The following SCAF11 variants were observed in gnomAD, a reference collection of about 807,000 sequenced individuals.
SCAF11 encodes protein SCAF11.
In SCAF11, 47 loss-of-function variants were observed where a neutral mutation model predicts 140.5. The observed-to-expected ratio is 0.33, with a 90% CI of 0.26 to 0.43. The LOEUF (loss-of-function observed/expected upper bound fraction) is 0.43. Ranked by LOEUF, SCAF11 falls within the 20% of genes least tolerant of loss-of-function variation. The pLI, the probability that SCAF11 is intolerant of heterozygous loss-of-function variation, is 1.00. For missense variants in SCAF11, 1,645 were observed against 1,705.1 expected (o/e 0.96, Z 0.62); for synonymous variants, 557 against 579.4 (o/e 0.96, Z 0.55).
chr12:45,920,731 T>C lies in SCAF11; in HGVS notation c.*1317A>G, dbSNP rs1944686306. ...AGAATTTTGCAACATGGCTAATGGC[T>C]ACCACCTGGTCACCAAATTAACACT... On this transcript the variant is annotated 3_prime_UTR_variant, in exon 15 of 15. Transcript: ENST00000369367. The C allele has an allele frequency of 6.6e-6, 1 of 152,614 alleles. No homozygotes were observed. The highest frequency in any genetic ancestry group is 1.5e-5 in the Non-Finnish European group (1 of 68,034). The allele number at this position is 152,614 out of a possible 1,614,324, so 9.5% of individuals were successfully genotyped here.
chr12:45,979,620 A>G (rs1185298659), intron 1 of SCAF11, among the ~76,000 whole-genome samples: 1 of 152,206 alleles, frequency 6.6e-6, no homozygotes, highest in Non-Finnish European at 1.5e-5. Flanking sequence ...AAACCAAGAC[A>G]GAAAAAAGCA....
intron 3 of SCAF11, among the ~76,000 whole-genome samples, chr12:45,957,621 A>G (rs1006774711): frequency 6.6e-6 from 1 of 152,186 alleles, no homozygotes; most frequent in African/African-American, 2.4e-5. Flanking sequence ...GTGATTTTGT[A>G]TAAAATGGAG....
chr12:45,963,926 C>G (rs1160396282), intron 2 of SCAF11, among the ~76,000 whole-genome samples, 181 bp downstream of exon 2: 2 of 151,986 alleles, frequency 1.3e-5, no homozygotes. Context: ...AATCAAAAAA[C>G]TTGATCAGTC....
At chr12:45,966,338 ATT>A (rs879884551) in intron 1 of SCAF11, among the ~76,000 whole-genome samples, 11 of 145,172 alleles carry the variant, frequency 7.6e-5, no homozygotes, top group Admixed American at 1.4e-4. Context: ...CTTTTGTGGG[ATT>A]TTTTTTTTTT....
chr12:45,948,404 A>G lies in SCAF11; in HGVS notation c.398+33T>C, dbSNP rs371430516. 5.0e-6 allele frequency: 7 copies of G among 1,406,748 alleles called. No individual in the cohort carries two copies. The African/African-American group carries it at 7.1e-5, about 14-fold the overall frequency. 87.1% of individuals were successfully genotyped at this position (1,406,748 alleles called of 1,614,324 possible). On this transcript the variant is annotated intron_variant, in intron 5 of 14. Coordinates refer to ENST00000369367, the MANE Select transcript of SCAF11 (RefSeq NM_004719.3). ...GTACTAGTTAACTTCTGTTCCACTC[A>G]TTTGCATTCCACTTCTAAAGTTAAT...
chr12:45,983,742 A>C (rs865936532), intron 1 of SCAF11, among the ~76,000 whole-genome samples: 2 of 133,994 alleles, frequency 1.5e-5, no homozygotes, highest in South Asian at 2.6e-4. Context: ...CTAAACCTAA[A>C]ACACACACAC....
In SCAF11 at chr12:45,928,746, G is replaced by A; in HGVS notation, c.955C>T (p.Pro319Ser). ...GSRRKPAMTT[P>S]TRRSTRNTRA... Reference sequence around the variant, plus strand: ...GTGTTACGTGTAGACCTCCTTGTAGGAGTTGTCATTGCAGGTTTTCGTCTT... The same window carrying A: ...GTGTTACGTGTAGACCTCCTTGTAGAAGTTGTCATTGCAGGTTTTCGTCTT... Residue 319 changes from proline (P) to serine (S), a missense_variant, in exon 11 of 15, where the codon CCT (proline) becomes TCT (serine). Transcript: ENST00000369367. The A allele has an allele frequency of 6.2e-7, 1 of 1,613,930 alleles. No homozygotes were observed. The highest frequency in any genetic ancestry group is 8.5e-7 in the Non-Finnish European group (1 of 1,179,964).
chr12:45,942,416 C>G (rs1314416758), intron 6 of SCAF11, among the ~76,000 whole-genome samples: 10 of 152,306 alleles, frequency 6.6e-5, no homozygotes, highest in Non-Finnish European at 8.8e-5. Flanking sequence ...TACTCTTATT[C>G]GTCTATGATT....
In SCAF11 at chr12:45,972,908, A is replaced by C. The variant is rs28896898; in HGVS notation, c.-21-8720T>G. Among the ~76,000 whole-genome samples, 60 of 90,248 alleles carry C rather than the reference A, an allele frequency of 6.6e-4. 4 individuals are homozygous for C. The highest frequency in any genetic ancestry group is 1.7e-3 in the Admixed American group (17 of 9,730). The allele number at this position is 90,248 out of a possible 152,430, so 59.2% of individuals were successfully genotyped here. ...TATATATATAGATATATATATATATAGATATATATATAGATATATAGATAT... is the reference window on the plus strand; with the variant it reads ...TATATATATAGATATATATATATATCGATATATATATAGATATATAGATAT... On this transcript the variant is annotated intron_variant, in intron 1 of 14. Transcript: ENST00000369367.
chr12:45,986,745 C>T (rs1199735768), intron 1 of SCAF11, among the ~76,000 whole-genome samples: 6 of 152,186 alleles, frequency 3.9e-5, no homozygotes, highest in African/African-American at 1.4e-4. Context: ...TTCCCCCATA[C>T]TGTTCTCATG....
intron 3 of SCAF11, among the ~76,000 whole-genome samples, chr12:45,959,253 C>CT (rs752006684): frequency 1.5e-4 from 23 of 151,162 alleles, no homozygotes; most frequent in Non-Finnish European, 1.3e-4. Context: ...GGGTGACAGA[C>CT]TGAGACTCTG....
At position 45,964,195 on chromosome 12, in the gene SCAF11, G is replaced by T. The variant is rs1945888527; in HGVS notation, c.-21-7C>A. 5.3e-6 allele frequency: 7 copies of T among 1,308,838 alleles called. No homozygotes were observed. Among genetic ancestry groups the T allele is most frequent in the South Asian group, 1.3e-5 (1 of 78,360 alleles). The allele number at this position is 1,308,838 out of a possible 1,614,324, so 81.1% of individuals were successfully genotyped here. A position where few individuals can be genotyped will look rare whatever the true frequency, so the allele number is the denominator to read the frequency against. ...CTCTTTGGAAAAGGGTTTCCTATAA[G>T]ATAAATTATAATAGAGAATTTTATG... On this transcript the variant is annotated splice_polypyrimidine_tract_variant and splice_region_variant and intron_variant, in intron 1 of 14. Transcript: ENST00000369367.
rs767634132 is a variant in SCAF11 at position 45,923,149 on chromosome 12, A to AAT, written c.3910_3911dup (p.Pro1305PhefsTer7). 1 of 1,613,132 alleles carries AAT rather than the reference A, an allele frequency of 6.2e-7. No homozygotes were observed. The highest frequency in any genetic ancestry group is 8.5e-7 in the Non-Finnish European group (1 of 1,179,106). On this transcript the variant is annotated frameshift_variant, in exon 13 of 15. Coordinates refer to ENST00000369367, the MANE Select transcript of SCAF11 (RefSeq NM_004719.3). LOFTEE classifies it high-confidence loss of function. ...TATTACTTACATGAGAAGAACTAGG[A>AAT]ATACCCTGTTTTAAAGAGTTATCAT...
At chr12:45,940,467 T>C (rs1004679622) in intron 6 of SCAF11, among the ~76,000 whole-genome samples, 2 of 152,258 alleles carry the variant, frequency 1.3e-5, no homozygotes, top group African/African-American at 4.8e-5. Flanking sequence ...GGTATTATTT[T>C]GTAGTAGAAA....
At chr12:45,972,885 T>TAG (rs1946115781) in intron 1 of SCAF11, among the ~76,000 whole-genome samples, 1 of 33,492 alleles carries the variant, frequency 3.0e-5, no homozygotes, top group Non-Finnish European at 4.7e-5. Flanking sequence ...TATATAGATA[T>TAG]ATATATAGAT....
rs958835437 is a variant in SCAF11, at chr12:45,919,409, A to T, written c.*2639T>A. 2 of 152,638 alleles carry T rather than the reference A, an allele frequency of 1.3e-5. No homozygotes were observed. The highest frequency in any genetic ancestry group is 2.9e-5 in the Non-Finnish European group (2 of 68,038). 9.5% of individuals were successfully genotyped at this position (152,638 alleles called of 1,614,324 possible). ...TTTGGAATGTTAATGGATAACTACT[A>T]TTAGTCTCAAAATTCTAGGCATTTC... is the stretch of plus-strand genomic sequence containing the variant. On this transcript the variant is annotated 3_prime_UTR_variant, in exon 15 of 15. Transcript: ENST00000369367.
chr12:45,949,830 T>C (rs1406895002), intron 4 of SCAF11, among the ~76,000 whole-genome samples: 3 of 152,156 alleles, frequency 2.0e-5, no homozygotes, highest in Admixed American at 2.0e-4. Flanking sequence ...TCTAGGACAG[T>C]GACAGAATTT....
intron 1 of SCAF11, among the ~76,000 whole-genome samples, chr12:45,988,957 C>G (rs1946526433): frequency 6.6e-6 from 1 of 151,954 alleles, no homozygotes; most frequent in Admixed American, 6.5e-5. Flanking sequence ...AAAAGAAATC[C>G]AAAGACAGTT....
chr12:45,976,859 T>C (rs970260671), intron 1 of SCAF11, among the ~76,000 whole-genome samples: 8 of 151,884 alleles, frequency 5.3e-5, no homozygotes, highest in East Asian at 1.9e-4. Context: ...ATCAATGAAA[T>C]TGGAAACAGA....
Sources: gnomAD v4.1 joint callset for allele counts (sites outside exome capture counted in the v4.1 genomes callset) on GRCh38, gnomAD v4.1.1 for gene constraint, MANE v1.5 for transcripts, NCBI Gene and HGNC (gene_info 2026-07-23, HGNC 2026-07-21) for gene names.